Variants in MACROD2 observed in about 807,000 individuals in gnomAD.
MACROD2 encodes ADP-ribose glycohydrolase MACROD2.
In MACROD2, 36 loss-of-function variants were observed where a neutral mutation model predicts 70.4. The observed-to-expected ratio is 0.51, with a 90% CI of 0.39 to 0.68. MACROD2 has a LOEUF of 0.68. MACROD2 is among the 30% of genes least tolerant of loss of function. The pLI, the probability that MACROD2 is intolerant of heterozygous loss-of-function variation, is 0.00. For synonymous variants in MACROD2, 172 were observed against 178.8 expected (o/e 0.96, Z 0.30); for missense variants, 496 against 538.4 (o/e 0.92, Z 0.78).
At chr20:14,788,871 C>G (rs1247922063) in intron 5 of MACROD2, among the ~76,000 whole-genome samples, 1 of 145,592 alleles carries the variant, frequency 6.9e-6, no homozygotes, top group Non-Finnish European at 1.5e-5. Flanking sequence ...TGGGTTGAAG[C>G]AATTCCCCTG....
intron 15 of MACROD2, among the ~76,000 whole-genome samples, chr20:16,026,824 C>T (rs559647373): frequency 3.3e-5 from 5 of 152,258 alleles, no homozygotes; most frequent in East Asian, 1.9e-4. Context: ...AGGAGGGTTT[C>T]GGCAAAGGTA....
At chr20:15,911,584 T>C (rs572871434) in intron 10 of MACROD2, among the ~76,000 whole-genome samples, 34 of 152,006 alleles carry the variant, frequency 2.2e-4, no homozygotes, top group South Asian at 4.2e-4. Context: ...CCAGGATAAA[T>C]GTGAAGGATA....
chr20:15,225,156 A>G (rs1340378070), intron 5 of MACROD2, among the ~76,000 whole-genome samples: 1 of 152,068 alleles, frequency 6.6e-6, no homozygotes, highest in Non-Finnish European at 1.5e-5. Flanking sequence ...ATATAAAGAA[A>G]TTATTGAGGC....
At chr20:14,565,853 C>T (rs1040765344) in intron 4 of MACROD2, among the ~76,000 whole-genome samples, 2 of 151,858 alleles carry the variant, frequency 1.3e-5, no homozygotes, top group African/African-American at 4.8e-5. Flanking sequence ...TTCCACATAT[C>T]CGGCTCAACA....
At chr20:14,963,396 T>C (rs768987227) in intron 5 of MACROD2, among the ~76,000 whole-genome samples, 4 of 152,146 alleles carry the variant, frequency 2.6e-5, no homozygotes, top group Admixed American at 6.5e-5. Flanking sequence ...TGACTCATTA[T>C]TCTATTAGAC....
intron 4 of MACROD2, among the ~76,000 whole-genome samples, chr20:14,572,152 A>G (rs1568677215): frequency 6.6e-6 from 1 of 152,096 alleles, no homozygotes; most frequent in Non-Finnish European, 1.5e-5. Flanking sequence ...TAAGGTATAT[A>G]TATTTATTAT....
At chr20:15,491,392 T>G (rs941812453) in intron 7 of MACROD2, among the ~76,000 whole-genome samples, 1 of 152,218 alleles carries the variant, frequency 6.6e-6, no homozygotes, top group East Asian at 1.9e-4. Flanking sequence ...TGTCTCAGAT[T>G]CATCAATACA....
intron 13 of MACROD2, among the ~76,000 whole-genome samples, chr20:15,986,331 T>C (rs1391739949): frequency 1.3e-5 from 2 of 152,198 alleles, no homozygotes; most frequent in Non-Finnish European, 2.9e-5. Context: ...GTGCAAGTAG[T>C]GTTTTCATTT....
At chr20:14,704,812 TC>T (rs1739295596) in intron 5 of MACROD2, among the ~76,000 whole-genome samples, 1 of 152,186 alleles carries the variant, frequency 6.6e-6, no homozygotes, top group Non-Finnish European at 1.5e-5. Flanking sequence ...ATATGCGTGT[TC>T]TTTTTTTAAA....
In MACROD2 at chr20:15,082,534, T is replaced by C. The variant is rs926186482; in HGVS notation, c.419-147406T>C. ...TCACACTGCAAGAGGTTTTTTTTTT[T>C]TTTTTTTTTTTTCCTAAGCTGAAGA... On this transcript the variant is annotated intron_variant, in intron 5 of 17. Coordinates refer to ENST00000684519, the MANE Select transcript of MACROD2 (RefSeq NM_001351661.2). 3.6e-5 allele frequency among the ~76,000 whole-genome samples: 5 copies of C among 139,386 alleles called. No homozygotes were observed. The South Asian group carries it at 1.3e-3, about 35-fold the overall frequency. 91.4% of individuals were successfully genotyped at this position (139,386 alleles called of 152,430 possible). A position where few individuals can be genotyped will look rare whatever the true frequency, so the allele number is the denominator to read the frequency against.
At chr20:15,280,058 T>A (rs1403756266) in intron 6 of MACROD2, among the ~76,000 whole-genome samples, 1 of 152,230 alleles carries the variant, frequency 6.6e-6, no homozygotes, top group Non-Finnish European at 1.5e-5. Context: ...CCCAGAAATC[T>A]GAATTATATT....
intron 17 of MACROD2, among the ~76,000 whole-genome samples, chr20:16,047,939 C>G (rs1283915240): frequency 6.6e-6 from 1 of 152,168 alleles, no homozygotes. Context: ...AGACTTGGAT[C>G]TGCGCCAGGT....
chr20:14,238,267 T>G (rs191022528), intron 3 of MACROD2, among the ~76,000 whole-genome samples: 1 of 152,312 alleles, frequency 6.6e-6, no homozygotes, highest in East Asian at 1.9e-4. Context: ...TAAATGTTAT[T>G]TATTACATAA....
chr20:15,742,413 A>C (rs997365852), intron 8 of MACROD2, among the ~76,000 whole-genome samples: 1 of 152,180 alleles, frequency 6.6e-6, no homozygotes, highest in Non-Finnish European at 1.5e-5. Context: ...GTTTCGAGAG[A>C]ACTTATTTTT....
At chr20:16,014,213 A>G (rs575875311) in intron 15 of MACROD2, among the ~76,000 whole-genome samples, 39 of 152,332 alleles carry the variant, frequency 2.6e-4, no homozygotes, top group African/African-American at 9.4e-4. Flanking sequence ...CTTCAAATAG[A>G]CTAGGTGAAA....
chr20:14,233,387 T>C (rs2081836787), intron 3 of MACROD2, among the ~76,000 whole-genome samples: 1 of 152,034 alleles, frequency 6.6e-6, no homozygotes, highest in African/African-American at 2.4e-5. Flanking sequence ...GCCTGACTTA[T>C]TTAGTGATAT....
At chr20:15,012,754 T>G (rs1013038025) in intron 5 of MACROD2, among the ~76,000 whole-genome samples, 13 of 152,160 alleles carry the variant, frequency 8.5e-5, no homozygotes, top group African/African-American at 2.9e-4. Flanking sequence ...TCCGGTTGTC[T>G]GCACAGCTGC....
chr20:14,329,743 C>CT (rs138846320), intron 3 of MACROD2, among the ~76,000 whole-genome samples: 2,720 of 152,136 alleles, frequency 0.018, 81 homozygotes, highest in African/African-American at 0.062. Context: ...TTAGGCATTT[C>CT]TGAACATGAT....
intron 6 of MACROD2, among the ~76,000 whole-genome samples, chr20:15,296,082 A>C (rs867254459): frequency 1.3e-5 from 2 of 152,168 alleles, no homozygotes; most frequent in African/African-American, 4.8e-5. Flanking sequence ...TTTCTCTAAT[A>C]AATGTGCCTT....
Sources: gnomAD v4.1 joint callset for allele counts (sites outside exome capture counted in the v4.1 genomes callset) on GRCh38, gnomAD v4.1.1 for gene constraint, MANE v1.5 for transcripts, NCBI Gene and HGNC (gene_info 2026-07-23, HGNC 2026-07-21) for gene names.